ZNG1B: variants seen among roughly 807,000 people sequenced by gnomAD.
ZNG1B encodes zinc-regulated GTPase metalloprotein activator 1B.
chr2:113,448,836 G>A, the ZNG1B span, among the ~76,000 whole-genome samples: 1 of 151,460 alleles, frequency 6.6e-6, no homozygotes, highest in Non-Finnish European at 1.5e-5. Flanking sequence ...CCCGGGAGAC[G>A]GAGGTGGCTG....
chr2:113,438,029 A>G, the ZNG1B span: 1 of 1,611,728 alleles, frequency 6.2e-7, no homozygotes, highest in Non-Finnish European at 8.5e-7. Flanking sequence ...TTAGGTAACT[A>G]ACCATCCCAG....
At chr2:113,478,321 G>C in the ZNG1B span, among the ~76,000 whole-genome samples, 1 of 151,922 alleles carries the variant, frequency 6.6e-6, no homozygotes, top group Non-Finnish European at 1.5e-5. Flanking sequence ...TGTCACTCAG[G>C]CTGGAGTGCA....
At chr2:113,481,686 T>A in the ZNG1B span, 1 of 155,858 alleles carries the variant, frequency 6.4e-6, no homozygotes, top group African/African-American at 2.4e-5. Flanking sequence ...ATAGAAAATT[T>A]ATATTTATGG....
At chr2:113,439,834 C>T in the ZNG1B span, among the ~76,000 whole-genome samples, 1 of 150,604 alleles carries the variant, frequency 6.6e-6, no homozygotes, top group Non-Finnish European at 1.5e-5. Flanking sequence ...ATAATTGCCT[C>T]CTTATTCACT....
chr2:113,472,907 A>G, the ZNG1B span, among the ~76,000 whole-genome samples: 2 of 151,370 alleles, frequency 1.3e-5, no homozygotes, highest in African/African-American at 4.9e-5. Context: ...TATAGTTTGA[A>G]GTCAGGTAGT....
the ZNG1B span, among the ~76,000 whole-genome samples, chr2:113,458,410 T>C: frequency 6.6e-6 from 1 of 151,994 alleles, no homozygotes; most frequent in Admixed American, 6.6e-5. Flanking sequence ...CATTTATCTC[T>C]TCTGCTATAA....
the ZNG1B span, among the ~76,000 whole-genome samples, chr2:113,472,096 G>A: frequency 0.014 from 1,929 of 140,282 alleles, 65 homozygotes; most frequent in African/African-American, 0.056. Context: ...TTACAGTTCC[G>A]CCAACAGTGT....
the ZNG1B span, among the ~76,000 whole-genome samples, chr2:113,448,239 C>T: frequency 0.026 from 3,989 of 151,960 alleles, 175 homozygotes; most frequent in African/African-American, 0.089. Flanking sequence ...TGTACATCTC[C>T]ATCACAGCTC....
chr2:113,487,922 T>C, the ZNG1B span, among the ~76,000 whole-genome samples: 41,553 of 151,152 alleles, frequency 0.27, 6,348 homozygotes, highest in East Asian at 0.52. Context: ...TTCTGCTTTT[T>C]GTATTACTAG....
the ZNG1B span, among the ~76,000 whole-genome samples, chr2:113,454,295 C>T: frequency 3.3e-5 from 5 of 152,092 alleles, no homozygotes; most frequent in African/African-American, 9.7e-5. Context: ...AGGAATGATA[C>T]CTTAAGATGT....
the ZNG1B span, among the ~76,000 whole-genome samples, chr2:113,482,427 TC>T: frequency 1.4e-5 from 2 of 148,050 alleles, no homozygotes; most frequent in Non-Finnish European, 1.5e-5. Flanking sequence ...TAGGAATTCA[TC>T]AAACCAGATT....
chr2:113,439,582 C>A, the ZNG1B span, among the ~76,000 whole-genome samples: 27 of 152,278 alleles, frequency 1.8e-4, no homozygotes, highest in Admixed American at 4.6e-4. Context: ...CAGTGGCATC[C>A]CTATGGGTTA....
At chr2:113,446,764 ATG>A in the ZNG1B span, among the ~76,000 whole-genome samples, 243 of 127,008 alleles carry the variant, frequency 1.9e-3, no homozygotes, top group African/African-American at 7.0e-3. Context: ...ACACACGCAC[ATG>A]CACACGCACA....
At chr2:113,460,685 G>A in the ZNG1B span, 13 of 1,594,622 alleles carry the variant, frequency 8.2e-6, no homozygotes, top group African/African-American at 1.1e-4. Flanking sequence ...TTTAGCAGAA[G>A]AGAAACCTGA....
chr2:113,442,932 G>A, the ZNG1B span, among the ~76,000 whole-genome samples: 1 of 150,928 alleles, frequency 6.6e-6, no homozygotes. Flanking sequence ...TCTTAAGTAA[G>A]TATTGCTAGG....
At chr2:113,488,499 T>C in the ZNG1B span, among the ~76,000 whole-genome samples, 1 of 151,584 alleles carries the variant, frequency 6.6e-6, no homozygotes, top group Non-Finnish European at 1.5e-5. Flanking sequence ...TCACCAGCAA[T>C]GGATCCAAAC....
the ZNG1B span, chr2:113,444,960 C>A: frequency 6.2e-7 from 1 of 1,610,016 alleles, no homozygotes; most frequent in South Asian, 1.1e-5. Flanking sequence ...TTGGTATTCT[C>A]CAGGGACAAT....
chr2:113,479,892 G>C, the ZNG1B span, among the ~76,000 whole-genome samples: 158 of 151,086 alleles, frequency 1.0e-3, no homozygotes, highest in Non-Finnish European at 1.9e-3. Flanking sequence ...TGCGATGTCA[G>C]CTCCCTATAG....
chr2:113,483,146 A>G, the ZNG1B span, among the ~76,000 whole-genome samples: 1 of 152,302 alleles, frequency 6.6e-6, no homozygotes, highest in African/African-American at 2.4e-5. Context: ...GATAGTCGGT[A>G]TCTGTCATAT....
Sources: gnomAD v4.1 joint callset for allele counts (sites outside exome capture counted in the v4.1 genomes callset) on GRCh38, gnomAD v4.1.1 for gene constraint, MANE v1.5 for transcripts, NCBI Gene and HGNC (gene_info 2026-07-23, HGNC 2026-07-21) for gene names.